The following PCDH7 variants were observed in gnomAD, a reference collection of about 807,000 sequenced individuals.
The protein encoded by PCDH7 is protocadherin 7, also known as protocadherin-7.
A neutral mutation model predicts 58.9 loss-of-function variants in PCDH7; 17 were observed. That is an observed-to-expected ratio of 0.29 (90% confidence interval 0.20 to 0.43). PCDH7 has a LOEUF of 0.43. Ranked by LOEUF, PCDH7 falls within the 20% of genes least tolerant of loss-of-function variation. PCDH7 has a pLI of 1.00. For missense variants in PCDH7, 1,274 were observed against 1,441.0 expected (o/e 0.88, Z 1.88); for synonymous variants, 664 against 616.4 (o/e 1.08, Z -1.14).
intron 1 of PCDH7, among the ~76,000 whole-genome samples, chr4:30,846,532 T>C (rs536844712): frequency 6.6e-6 from 1 of 152,038 alleles, no homozygotes; most frequent in Non-Finnish European, 1.5e-5. Flanking sequence ...TATTATGTTA[T>C]AGTAACACAA....
intron 3 of PCDH7, among the ~76,000 whole-genome samples, chr4:31,064,183 T>G (rs974790514): frequency 2.0e-5 from 3 of 151,966 alleles, no homozygotes; most frequent in Non-Finnish European, 4.4e-5. Flanking sequence ...GAAAATCAGA[T>G]GAAGTTTTAC....
intron 3 of PCDH7, among the ~76,000 whole-genome samples, chr4:31,068,491 C>T (rs1353833805): frequency 6.6e-6 from 1 of 152,022 alleles, no homozygotes; most frequent in Non-Finnish European, 1.5e-5. Flanking sequence ...GTACAAACCA[C>T]ATTTCAGCAC....
intron 1 of PCDH7, among the ~76,000 whole-genome samples, chr4:30,871,235 T>C (rs760277588): frequency 3.3e-5 from 5 of 152,052 alleles, no homozygotes; most frequent in Non-Finnish European, 7.4e-5. Flanking sequence ...TTCCAAGGAC[T>C]TACCCCCAGA....
chr4:30,840,010 G>A (rs185403003), intron 1 of PCDH7, among the ~76,000 whole-genome samples: 19 of 149,484 alleles, frequency 1.3e-4, no homozygotes, highest in African/African-American at 2.0e-4. Context: ...TGATTAGTGC[G>A]ACAGTAGCAA....
At chr4:30,998,791 A>G (rs563979968) in intron 3 of PCDH7, among the ~76,000 whole-genome samples, 12 of 152,272 alleles carry the variant, frequency 7.9e-5, no homozygotes, top group African/African-American at 2.9e-4. Flanking sequence ...CTATCGTAGA[A>G]AGTGGAGAGG....
chr4:30,839,100 A>G (rs1261792307), intron 1 of PCDH7, among the ~76,000 whole-genome samples: 1 of 151,776 alleles, frequency 6.6e-6, no homozygotes, highest in Non-Finnish European at 1.5e-5. Context: ...TATACAGTAT[A>G]TATCTATGTT....
chr4:30,803,117 G>A (rs1177219268), intron 1 of PCDH7, among the ~76,000 whole-genome samples: 1 of 152,182 alleles, frequency 6.6e-6, no homozygotes, highest in Non-Finnish European at 1.5e-5. Flanking sequence ...GTGAAGCCAT[G>A]GAGGTCATTA....
chr4:31,122,107 G>A (rs867282570), intron 3 of PCDH7, among the ~76,000 whole-genome samples: 1 of 151,910 alleles, frequency 6.6e-6, no homozygotes, highest in East Asian at 1.9e-4. Context: ...GCAGCATATT[G>A]TACTGTTTTC....
intron 1 of PCDH7, among the ~76,000 whole-genome samples, chr4:30,841,564 G>T (rs369488811): frequency 1.3e-5 from 2 of 152,050 alleles, no homozygotes; most frequent in South Asian, 2.1e-4. Context: ...GTGATTTTGT[G>T]ATCTCTTTGA....
intron 3 of PCDH7, among the ~76,000 whole-genome samples, chr4:31,009,559 C>T (rs1011766800): frequency 6.6e-6 from 1 of 151,948 alleles, no homozygotes; most frequent in Non-Finnish European, 1.5e-5. Flanking sequence ...ATTCCAGTCA[C>T]TAAAATTGAA....
chr4:31,045,277 T>G (rs1316264425), intron 3 of PCDH7, among the ~76,000 whole-genome samples: 1 of 152,024 alleles, frequency 6.6e-6, no homozygotes, highest in African/African-American at 2.4e-5. Flanking sequence ...CTTTTTTCTT[T>G]TTGCACTTTT....
At chr4:30,782,262 T>C (rs1169633752) in intron 1 of PCDH7, among the ~76,000 whole-genome samples, 1 of 152,156 alleles carries the variant, frequency 6.6e-6, no homozygotes, top group Non-Finnish European at 1.5e-5. Flanking sequence ...ATGATAACTT[T>C]GCTGTCTATT....
At chr4:30,871,059 A>G (rs1236705408) in intron 1 of PCDH7, among the ~76,000 whole-genome samples, 1 of 152,044 alleles carries the variant, frequency 6.6e-6, no homozygotes, top group Admixed American at 6.6e-5. Context: ...GTGCTTGTGA[A>G]CTTTACATTG....
At chr4:30,886,977 G>A (rs1000616435) in intron 1 of PCDH7, among the ~76,000 whole-genome samples, 2 of 119,982 alleles carry the variant, frequency 1.7e-5, no homozygotes, top group African/African-American at 3.2e-5. Flanking sequence ...CTGTTGTGGA[G>A]TGGGGGGTGG....
At chr4:31,084,952 T>C (rs1712185164) in intron 3 of PCDH7, among the ~76,000 whole-genome samples, 1 of 152,058 alleles carries the variant, frequency 6.6e-6, no homozygotes, top group Non-Finnish European at 1.5e-5. Context: ...CCTACCTCTG[T>C]AGCCGCCCAA....
At chr4:31,019,503 AG>A (rs1379846800) in intron 3 of PCDH7, among the ~76,000 whole-genome samples, 10 of 151,878 alleles carry the variant, frequency 6.6e-5, no homozygotes, top group African/African-American at 2.4e-4. Flanking sequence ...CAAGAGTTAG[AG>A]ACCAACATGG....
At position 30,720,709 on chromosome 4, in the gene PCDH7, C is replaced by G. The variant is rs934542383; in HGVS notation, c.-714C>G. ...GTGACGCGAGTAGTCTCCCCTGCAC[C>G]GTGCCCGAAGCGACGTGCCGGGGGA... On this transcript the variant is annotated 5_prime_UTR_variant, in exon 1 of 2. Coordinates refer to ENST00000361762, the Ensembl canonical transcript of PCDH7. The surrounding 1 kb of genome is among the most constrained non-coding windows in gnomAD (Gnocchi z 4.7). 1.3e-5 allele frequency: 2 copies of G among 152,604 alleles called. No homozygotes were observed. Among genetic ancestry groups the G allele is most frequent in the African/African-American group, 4.8e-5 (2 of 41,436 alleles). The allele number at this position is 152,604 out of a possible 1,614,324, so 9.5% of individuals were successfully genotyped here.
intron 3 of PCDH7, among the ~76,000 whole-genome samples, chr4:31,116,536 G>A (rs1827141): frequency 0.57 from 86,420 of 152,028 alleles, 27,881 homozygotes; most frequent in African/African-American, 0.88. Context: ...CATTGTTTGC[G>A]CAAGTAGTTG....
rs548209089 is a variant in PCDH7, at chr4:31,113,410, A to G, written c.*8-29063A>G. Among the ~76,000 whole-genome samples the G allele has an allele frequency of 2.7e-3, 415 of 152,330 alleles. 1 individual carries two copies. The highest frequency in any genetic ancestry group is 5.0e-3 in the Non-Finnish European group (341 of 68,016). The stretch of plus-strand genomic sequence containing the variant: ...ATTTTAATTGTGGTGATACTTAAGT[A>G]TTACATCTTAAAAGCTATACTTAAC... On this transcript the variant is annotated intron_variant, in intron 3 of 3. Transcript: ENST00000509759.
Sources: gnomAD v4.1 joint callset for allele counts (sites outside exome capture counted in the v4.1 genomes callset) on GRCh38, gnomAD v4.1.1 for gene constraint, Gnocchi (gnomAD v3.1) non-coding constraint, MANE v1.5 for transcripts, NCBI Gene and HGNC (gene_info 2026-07-23, HGNC 2026-07-21) for gene names.